The following CLYBL variants were observed in gnomAD, a reference collection of about 807,000 sequenced individuals.
The protein encoded by CLYBL is citramalyl-CoA lyase.
Under a neutral mutation model 38.9 loss-of-function variants are expected in CLYBL, and 31 were observed. The ratio of observed to expected loss-of-function variants is 0.80; its 90% CI spans 0.60 to 1.08. The LOEUF (loss-of-function observed/expected upper bound fraction) is 1.08. Among genes scored for constraint, CLYBL ranks in the 50% least tolerant of loss-of-function variants. CLYBL has a pLI of 0.00. For missense variants in CLYBL, 434 were observed against 411.6 expected, an observed-to-expected ratio of 1.05 and a Z score of -0.47; for synonymous variants, 171 against 158.6, an observed-to-expected ratio of 1.08 and a Z score of -0.59.
At chr13:99,738,813 G>GT (rs2048706647) in intron 1 of CLYBL, among the ~76,000 whole-genome samples, 1 of 152,148 alleles carries the variant, frequency 6.6e-6, no homozygotes, top group Non-Finnish European at 1.5e-5. Context: ...AATGGGGGCA[G>GT]TTGCCTGGGA....
At chr13:99,845,356 C>T (rs541861069) in intron 2 of CLYBL, among the ~76,000 whole-genome samples, 1 of 152,242 alleles carries the variant, frequency 6.6e-6, no homozygotes, top group East Asian at 1.9e-4. Flanking sequence ...CCTGGCTCAA[C>T]GGCACGGGAA....
rs567450319 is a variant in CLYBL, at chr13:99,790,663, C to T, written c.249+17653C>T. Among the ~76,000 whole-genome samples, 154 of 152,240 alleles carry T rather than the reference C, an allele frequency of 1.0e-3. 1 individual carries two copies. The highest frequency in any genetic ancestry group is 1.7e-3 in the Non-Finnish European group (114 of 68,012). ...TGACTAATTGTCTGAATCTCCCCTT[C>T]GCATGTTCAGAAGCATCCAGTATTC... On this transcript the variant is annotated intron_variant, in intron 2 of 8. Coordinates refer to ENST00000339105, the MANE Select transcript of CLYBL (RefSeq NM_206808.5).
chr13:99,893,322 G>T (rs1262258699), downstream of CLYBL: 1 of 152,628 alleles, frequency 6.6e-6, no homozygotes, highest in South Asian at 2.1e-4. Context: ...ACCCACCAAG[G>T]ATGGGACTCC....
intron 1 of CLYBL, among the ~76,000 whole-genome samples, chr13:99,675,915 A>G (rs760445302): frequency 1.3e-5 from 2 of 152,218 alleles, no homozygotes; most frequent in African/African-American, 2.4e-5. Flanking sequence ...ATGCAGTAGC[A>G]TGATCTCAGC....
At chr13:99,728,712 A>C (rs2048527917) in intron 1 of CLYBL, among the ~76,000 whole-genome samples, 1 of 151,918 alleles carries the variant, frequency 6.6e-6, no homozygotes. Flanking sequence ...ACAGTTGTGC[A>C]CCACCATGCC....
Position 99,786,453 on chromosome 13 carries a change from G to C in CLYBL, c.249+13443G>C, listed in dbSNP as rs1024198203. ...TTCCCACCTATGAGTGAGAACATGC[G>C]GTGTTTGGTTTTTTGTTCTTGTGAT... is the stretch of plus-strand genomic sequence containing the variant. On this transcript the variant is annotated intron_variant, in intron 2 of 8. Transcript: ENST00000339105. 2.6e-5 allele frequency among the ~76,000 whole-genome samples: 4 copies of C among 151,926 alleles called. No homozygotes were observed. The South Asian group carries it at 6.2e-4, about 24-fold the overall frequency.
intron 2 of CLYBL, among the ~76,000 whole-genome samples, chr13:99,796,267 C>T (rs2050020061): frequency 6.6e-6 from 1 of 152,130 alleles, no homozygotes; most frequent in Non-Finnish European, 1.5e-5. Flanking sequence ...TGGGCACTAA[C>T]ACATCTCCTT....
rs1448287032 is a variant in CLYBL at position 99,690,524 on chromosome 13, G to A, written c.63-82300G>A. The A allele has an allele frequency of 3.3e-5, 5 of 152,194 alleles. No homozygotes were observed. In the Middle Eastern group the frequency reaches 0.014, roughly 414 times the overall value. The allele number at this position is 152,194 out of a possible 1,614,324, so 9.4% of individuals were successfully genotyped here. A position where few individuals can be genotyped will look rare whatever the true frequency, so the allele number is the denominator to read the frequency against. On this transcript the variant is annotated intron_variant, in intron 1 of 8. Transcript: ENST00000339105. ...CACCGTAATACCGCACAGCTTGGAG[G>A]TTAAGATAGAATTGGATGTTTCCCT...
chr13:99,655,611 A>C (rs1221088563), intron 1 of CLYBL, among the ~76,000 whole-genome samples: 2 of 152,160 alleles, frequency 1.3e-5, no homozygotes, highest in South Asian at 4.1e-4. Context: ...ATCCCACTAA[A>C]TAACACATTG....
chr13:99,817,679 GAAAA>G (rs2050486896), intron 2 of CLYBL, among the ~76,000 whole-genome samples: 1 of 138,754 alleles, frequency 7.2e-6, no homozygotes, highest in African/African-American at 2.7e-5. Flanking sequence ...AAAAAGAAAA[GAAAA>G]AAGAAAAGCA....
chr13:99,863,124 G>A, intron 4 of CLYBL, 32 bp downstream of exon 4: 6 of 1,184,858 alleles, frequency 5.1e-6, no homozygotes, highest in Non-Finnish European at 6.0e-6. Flanking sequence ...TAATAAGTTA[G>A]CATTTTATTT....
At chr13:99,900,941 A>G (rs1296970593), downstream of CLYBL, among the ~76,000 whole-genome samples, 1 of 152,178 alleles carries the variant, frequency 6.6e-6, no homozygotes, top group East Asian at 1.9e-4. Flanking sequence ...CCACCTCGCA[A>G]TACACCTTGA....
intron 1 of CLYBL, among the ~76,000 whole-genome samples, chr13:99,660,988 T>G (rs1349211801): frequency 1.3e-5 from 2 of 152,206 alleles, no homozygotes; most frequent in Non-Finnish European, 2.9e-5. Context: ...ATTTTGGGTT[T>G]TTCACTTTAA....
chr13:99,715,769 T>C (rs2048302947), intron 1 of CLYBL, among the ~76,000 whole-genome samples: 1 of 152,196 alleles, frequency 6.6e-6, no homozygotes, highest in African/African-American at 2.4e-5. Flanking sequence ...AGAAATAAGC[T>C]TGATGCTTTT....
At chr13:99,619,360 C>G (rs1324318060) in intron 1 of CLYBL, among the ~76,000 whole-genome samples, 2 of 152,206 alleles carry the variant, frequency 1.3e-5, no homozygotes, top group Non-Finnish European at 2.9e-5. Flanking sequence ...AGGCTGGCAC[C>G]TTGATCTTAG....
At chr13:99,627,994 T>C (rs1015235369) in intron 1 of CLYBL, among the ~76,000 whole-genome samples, 1 of 152,234 alleles carries the variant, frequency 6.6e-6, no homozygotes, top group Non-Finnish European at 1.5e-5. Flanking sequence ...GTATTTGGCA[T>C]GTTGTGTGTT....
At chr13:99,714,580 G>C (rs982472767) in intron 1 of CLYBL, among the ~76,000 whole-genome samples, 1 of 152,056 alleles carries the variant, frequency 6.6e-6, no homozygotes, top group South Asian at 2.1e-4. Context: ...CTGCGCCACT[G>C]CACTTCCTCC....
chr13:99,867,709 A>C (rs919997373), intron 6 of CLYBL, among the ~76,000 whole-genome samples: 38 of 152,222 alleles, frequency 2.5e-4, no homozygotes, highest in African/African-American at 8.4e-4. Context: ...GAAAAACTCC[A>C]TGAAATTTAT....
intron 1 of CLYBL, among the ~76,000 whole-genome samples, chr13:99,741,453 T>C (rs944677373): frequency 8.5e-5 from 13 of 152,156 alleles, no homozygotes; most frequent in African/African-American, 3.1e-4. Flanking sequence ...GGGCTTGTGA[T>C]TTTGTGGGGA....
Sources: allele counts gnomAD v4.1 joint callset (sites outside exome capture counted in the v4.1 genomes callset), GRCh38; gene constraint gnomAD v4.1.1; transcripts MANE v1.5; gene names NCBI Gene and HGNC (gene_info 2026-07-23, HGNC 2026-07-21).